WDR20: variants seen among roughly 807,000 people sequenced by gnomAD.
The protein encoded by WDR20 is WD repeat-containing protein 20.
WDR20 carries 3 observed loss-of-function variants against 38.7 expected under a neutral mutation model. The observed-to-expected ratio is 0.08, with a 90% CI of 0.04 to 0.20. The LOEUF is 0.20. Ranked by LOEUF, WDR20 falls within the 10% of genes least tolerant of loss-of-function variation. The pLI is 1.00. For synonymous variants in WDR20, 298 were observed against 285.6 expected (o/e 1.04, Z -0.44); for missense variants, 559 against 727.7 (o/e 0.77, Z 2.67).
At chr14:102,153,010 G>A (rs556285561) in intron 1 of WDR20, among the ~76,000 whole-genome samples, 1 of 152,234 alleles carries the variant, frequency 6.6e-6, no homozygotes, top group Admixed American at 6.5e-5. Flanking sequence ...TGGAGGTGGG[G>A]CCTGGTGGGA....
intron 1 of WDR20, among the ~76,000 whole-genome samples, chr14:102,153,189 C>T (rs1566819264): frequency 6.6e-6 from 1 of 152,072 alleles, no homozygotes; most frequent in Non-Finnish European, 1.5e-5. Context: ...AAGTGCCTGC[C>T]CCCCCTTCAC....
At position 102,208,565 on chromosome 14, in the gene WDR20, T is replaced by G; in HGVS notation, c.433-38T>G. 1 of 1,554,274 alleles carries G rather than the reference T, an allele frequency of 6.4e-7. No individual in the cohort carries two copies. The highest frequency in any genetic ancestry group is 1.2e-5 in the South Asian group (1 of 81,062). ...GCTGGAAAAGTAGACCTTTGAGACTTCTCCGTTGTGCTAACTTGTTCTCCT... is the reference window on the plus strand; with the variant it reads ...GCTGGAAAAGTAGACCTTTGAGACTGCTCCGTTGTGCTAACTTGTTCTCCT... On this transcript the variant is annotated intron_variant, in intron 2 of 2. Transcript: ENST00000342702. The surrounding 1 kb of genome is among the most constrained non-coding windows in gnomAD (Gnocchi z 5.6).
At chr14:102,201,774 T>C (rs939357632) in intron 2 of WDR20, among the ~76,000 whole-genome samples, 2 of 152,210 alleles carry the variant, frequency 1.3e-5, no homozygotes, top group African/African-American at 2.4e-5. Flanking sequence ...ATGAACGTGT[T>C]TGTTAAGAAT....
chr14:102,222,036 T>C lies in WDR20; in HGVS notation c.1693-794T>C, dbSNP rs76039327. Among the ~76,000 whole-genome samples the C allele has an allele frequency of 9.8e-5, 15 of 152,318 alleles. No homozygotes were observed. The East Asian group carries it at 2.9e-3, about 29-fold the overall frequency. ...TTGCTGTGTAGGAGGTTAAACCCTC[T>C]TAGGTTTACCCAAGGTCACACCAGT... On this transcript the variant is annotated intron_variant, in intron 3 of 3. Transcript: ENST00000335263. The surrounding 1 kb of genome is among the most constrained non-coding windows in gnomAD (Gnocchi z 4.4).
chr14:102,204,638 G>A (rs1567044240), intron 2 of WDR20, among the ~76,000 whole-genome samples: 3 of 152,230 alleles, frequency 2.0e-5, no homozygotes, highest in South Asian at 2.1e-4. Flanking sequence ...ATAATATGGC[G>A]ACAATCCCTG....
intron 1 of WDR20, among the ~76,000 whole-genome samples, chr14:102,163,899 C>A (rs192921730): frequency 6.6e-6 from 1 of 152,108 alleles, no homozygotes; most frequent in Non-Finnish European, 1.5e-5. Flanking sequence ...CCATTAGTTG[C>A]AAGAATTACA....
At chr14:102,158,266 C>G (rs991537132) in intron 1 of WDR20, among the ~76,000 whole-genome samples, 1 of 152,142 alleles carries the variant, frequency 6.6e-6, no homozygotes, top group African/African-American at 2.4e-5. Flanking sequence ...TGCTGACAAG[C>G]AGTTGCACCA....
At chr14:102,192,336 C>T (rs892108351) in intron 1 of WDR20, among the ~76,000 whole-genome samples, 7 of 151,990 alleles carry the variant, frequency 4.6e-5, no homozygotes, top group Admixed American at 1.3e-4. Flanking sequence ...CCCACCACCA[C>T]GCCCGGCTAA....
chr14:102,215,053 C>A, downstream of WDR20: 3 of 944,796 alleles, frequency 3.2e-6, no homozygotes, highest in South Asian at 1.5e-4. Context: ...TTTAAAAATC[C>A]CAGTGAACCA....
At chr14:102,157,351 CAT>C (rs1252138133) in intron 1 of WDR20, 5 of 152,138 alleles carry the variant, frequency 3.3e-5, no homozygotes, top group East Asian at 3.8e-4. Flanking sequence ...TTTAGTATCT[CAT>C]GTGTGATTGA....
intron 1 of WDR20, among the ~76,000 whole-genome samples, chr14:102,177,265 C>T (rs1481369295): frequency 6.6e-6 from 1 of 152,186 alleles, no homozygotes; most frequent in Non-Finnish European, 1.5e-5. Flanking sequence ...TCTCAAGTGC[C>T]TTCCCACATA....
intron 1 of WDR20, among the ~76,000 whole-genome samples, chr14:102,190,362 C>A (rs1167490505): frequency 6.6e-6 from 1 of 151,854 alleles, no homozygotes; most frequent in Middle Eastern, 3.2e-3. Flanking sequence ...GAGTTTGAGA[C>A]CAGCCTGGCC....
chr14:102,139,858 A>G (rs2050247044), upstream of WDR20: 2 of 1,580,748 alleles, frequency 1.3e-6, no homozygotes, highest in African/African-American at 1.3e-5. Context: ...AGGGAGCACC[A>G]GGAACAGCGC....
intron 1 of WDR20, among the ~76,000 whole-genome samples, chr14:102,142,886 G>GTGTAAAA (rs1450350096): frequency 6.9e-6 from 1 of 144,816 alleles, no homozygotes; most frequent in Non-Finnish European, 1.5e-5. Flanking sequence ...TTAAGTCTGT[G>GTGTAAAA]TGTAAAATGA....
chr14:102,209,272 C>A lies in WDR20; in HGVS notation c.1102C>A (p.Arg368=), dbSNP rs761448303. 6.2e-7 allele frequency: 1 copy of A among 1,614,190 alleles called. No individual in the cohort carries two copies. Among genetic ancestry groups the A allele is most frequent in the South Asian group, 1.1e-5 (1 of 91,076 alleles). The change falls in exon 3 of 3, where the codon CGG becomes AGG. Residue 368 remains arginine (R), a synonymous_variant. Transcript: ENST00000342702. This position sits in a 1 kb window ranked among gnomAD's most constrained non-coding sequence, Gnocchi z 6.0. ...CAGCCGCCCCGTAAGTGTCACGTATCGGTTTGGTTCCGTGGGCCAGGACAC... is the reference window on the plus strand; with the variant it reads ...CAGCCGCCCCGTAAGTGTCACGTATAGGTTTGGTTCCGTGGGCCAGGACAC... ...TDSRPVSVTY[R]FGSVGQDTQL...
chr14:102,204,628 A>G (rs1316079290), intron 2 of WDR20, among the ~76,000 whole-genome samples: 1 of 152,168 alleles, frequency 6.6e-6, no homozygotes, highest in Non-Finnish European at 1.5e-5. Flanking sequence ...TTTCTCACTG[A>G]TAATATGGCG....
At chr14:102,198,148 A>G (rs2059729802) in intron 2 of WDR20, among the ~76,000 whole-genome samples, 2 of 144,216 alleles carry the variant, frequency 1.4e-5, no homozygotes, top group Non-Finnish European at 3.0e-5. Context: ...TTTATTTATG[A>G]GACAGAGTCT....
downstream of WDR20, chr14:102,213,841 G>A (rs1412334650): frequency 1.0e-6 from 1 of 985,358 alleles, no homozygotes; most frequent in African/African-American, 1.7e-5. Context: ...AAAACCTAGG[G>A]GTTGGGGGCG....
intron 1 of WDR20, among the ~76,000 whole-genome samples, chr14:102,149,141 G>A (rs559039535): frequency 6.6e-6 from 1 of 152,236 alleles, no homozygotes; most frequent in East Asian, 1.9e-4. Flanking sequence ...CAGCCTGGGC[G>A]ACAGAGTGAG....
Sources: gnomAD v4.1 joint callset for allele counts (sites outside exome capture counted in the v4.1 genomes callset) on GRCh38, gnomAD v4.1.1 for gene constraint, Gnocchi (gnomAD v3.1) non-coding constraint, MANE v1.5 for transcripts, NCBI Gene and HGNC (gene_info 2026-07-23, HGNC 2026-07-21) for gene names.